The following SLC9A3 variants were observed in gnomAD, a reference collection of about 807,000 sequenced individuals.
The protein encoded by SLC9A3 is sodium/hydrogen exchanger 3.
A neutral mutation model predicts 86.8 loss-of-function variants in SLC9A3; 37 were observed. The observed-to-expected ratio is 0.43, with a 90% CI of 0.33 to 0.56. SLC9A3 has a LOEUF of 0.56. SLC9A3 is among the 20% of genes least tolerant of loss of function. The pLI, the probability that SLC9A3 is intolerant of heterozygous loss-of-function variation, is 0.06. For synonymous variants in SLC9A3, 581 were observed against 528.3 expected, an observed-to-expected ratio of 1.10 and a Z score of -1.37; for missense variants, 1,011 against 1,171.9, an observed-to-expected ratio of 0.86 and a Z score of 2.00.
chr5:480,026 G>A (rs559219255), intron 9 of SLC9A3, 61 bp from the exon 10 acceptor site: 14 of 1,568,434 alleles, frequency 8.9e-6, no homozygotes, highest in Admixed American at 7.0e-5. Context: ...CCCGCCGGAC[G>A]CGTGGCCCGG....
chr5:479,603 G>C (rs1274177278), intron 10 of SLC9A3: 2 of 523,364 alleles, frequency 3.8e-6, no homozygotes, highest in Non-Finnish European at 6.9e-6. Flanking sequence ...CCTGACCTCA[G>C]CGCTCACCCC....
chr5:521,352 G>GCCATCCTCTGT (rs1733879074), intron 1 of SLC9A3, among the ~76,000 whole-genome samples: 1 of 152,220 alleles, frequency 6.6e-6, no homozygotes, highest in African/African-American at 2.4e-5. Flanking sequence ...TGGCCCTCTG[G>GCCATCCTCTGT]CCATCCTCTG....
intron 1 of SLC9A3, among the ~76,000 whole-genome samples, chr5:521,143 C>T (rs1188221870): frequency 6.6e-6 from 1 of 152,262 alleles, no homozygotes; most frequent in Non-Finnish European, 1.5e-5. Flanking sequence ...TCGGCCCTTG[C>T]CTCCCCTTCT....
intron 1 of SLC9A3, among the ~76,000 whole-genome samples, chr5:501,341 C>T (rs937176440): frequency 9.2e-5 from 14 of 152,186 alleles, no homozygotes; most frequent in African/African-American, 3.4e-4. Context: ...GCCGAGTCCA[C>T]AAAAATGCAA....
intron 1 of SLC9A3, among the ~76,000 whole-genome samples, chr5:506,210 G>A (rs1005169958): frequency 4.6e-5 from 7 of 152,154 alleles, no homozygotes; most frequent in Admixed American, 1.3e-4. Context: ...AGCTTTGCCC[G>A]GACGCAGCAG....
At chr5:493,886 G>A (rs13174780) in intron 1 of SLC9A3, among the ~76,000 whole-genome samples, 93,763 of 152,168 alleles carry the variant, frequency 0.62, 31,625 homozygotes, top group Non-Finnish European at 0.77. Context: ...GCAGGGCAGC[G>A]GGGGTTGGCC....
chr5:495,082 C>T (rs562048597), intron 1 of SLC9A3, among the ~76,000 whole-genome samples: 4 of 144,404 alleles, frequency 2.8e-5, no homozygotes, highest in East Asian at 3.9e-4. Flanking sequence ...ACAGAGACCG[C>T]GTGTCCCCAG....
chr5:506,162 G>A (rs1740569136), intron 1 of SLC9A3, among the ~76,000 whole-genome samples: 1 of 152,152 alleles, frequency 6.6e-6, no homozygotes, highest in East Asian at 1.9e-4. Context: ...CTATCAAGGA[G>A]CTCTGGGTCC....
chr5:509,824 A>C (rs949526833), intron 1 of SLC9A3, among the ~76,000 whole-genome samples: 1 of 152,168 alleles, frequency 6.6e-6, no homozygotes, highest in African/African-American at 2.4e-5. Flanking sequence ...ATGCCAGAAG[A>C]AGCTGGCACA....
intron 10 of SLC9A3, chr5:478,461 GGGCGC>G (rs1738914465): frequency 2.6e-5 from 1 of 38,736 alleles, no homozygotes. Flanking sequence ...TGGGGTGGGG[GGGCGC>G]AGGGAGAGAA....
rs1386362228 is a variant in SLC9A3, at chr5:472,207, T to A, written c.*1172A>T. On this transcript the variant is annotated 3_prime_UTR_variant, in exon 17 of 17. Coordinates refer to ENST00000264938, the MANE Select transcript of SLC9A3 (RefSeq NM_004174.4). Reference sequence around the variant, plus strand: ...CAGAGCTTGGGCTGGATGGTCTCCCTGCAGAGGACCAGGAGCTCTGTCCAA... The same window carrying A: ...CAGAGCTTGGGCTGGATGGTCTCCCAGCAGAGGACCAGGAGCTCTGTCCAA... The A allele has an allele frequency of 5.5e-6, 2 of 361,970 alleles. No individual in the cohort carries two copies. The highest frequency in any genetic ancestry group is 1.1e-5 in the Non-Finnish European group (2 of 184,718). 22.4% of individuals were successfully genotyped at this position (361,970 alleles called of 1,614,324 possible).
At chr5:479,147 G>A (rs1158269591) in intron 10 of SLC9A3, 1 of 152,502 alleles carries the variant, frequency 6.6e-6, no homozygotes, top group African/African-American at 2.4e-5. Context: ...CTGTCCTTAG[G>A]GAGGAGCTGC....
At chr5:517,365 TCATC>T (rs1159666854) in intron 1 of SLC9A3, among the ~76,000 whole-genome samples, 1 of 150,248 alleles carries the variant, frequency 6.7e-6, no homozygotes, top group African/African-American at 2.5e-5. Context: ...ATCAATCCAC[TCATC>T]CATCCATCCA....
intron 1 of SLC9A3, among the ~76,000 whole-genome samples, chr5:493,070 G>T (rs545524498): frequency 5.3e-5 from 8 of 151,910 alleles, no homozygotes. Context: ...GGGGGTGCAG[G>T]CACCAACCTA....
Position 473,185 on chromosome 5 carries a change from C to G in SLC9A3, c.*194G>C, listed in dbSNP as rs1388202650. Reference sequence around the variant, plus strand: ...GCAGGCCCCGCCCCCGGCTCGCCCTCGGGCGGCTCTGCGGGCGCAGGCGCG... The same window carrying G: ...GCAGGCCCCGCCCCCGGCTCGCCCTGGGGCGGCTCTGCGGGCGCAGGCGCG... On this transcript the variant is annotated 3_prime_UTR_variant, in exon 17 of 17. Coordinates refer to ENST00000264938, the MANE Select transcript of SLC9A3 (RefSeq NM_004174.4). 1.5e-5 allele frequency: 8 copies of G among 540,656 alleles called. No individual in the cohort carries two copies. The highest frequency in any genetic ancestry group is 9.3e-5 in the Admixed American group (2 of 21,406). The allele number at this position is 540,656 out of a possible 1,614,324, so 33.5% of individuals were successfully genotyped here. A position where few individuals can be genotyped will look rare whatever the true frequency, so the allele number is the denominator to read the frequency against.
chr5:479,911 GGCCGACC>G lies in SLC9A3; in HGVS notation c.1565_1571del (p.Arg522ProfsTer9). Reference sequence around the variant, plus strand: ...TCAGGATCCGGTCTCGAGACTTCTGGGCCGACCGTCTCATGAGGACCCTGCTGAGGAA... The same window carrying G: ...TCAGGATCCGGTCTCGAGACTTCTGGGTCTCATGAGGACCCTGCTGAGGAA... On this transcript the variant is annotated frameshift_variant, in exon 10 of 17. Transcript: ENST00000264938. LOFTEE classifies it high-confidence loss of function. The G allele has an allele frequency of 8.7e-6, 14 of 1,613,936 alleles. No homozygotes were observed. The highest frequency in any genetic ancestry group is 1.2e-5 in the Non-Finnish European group (14 of 1,179,966).
At position 471,162 on chromosome 5, in the gene SLC9A3, G is replaced by T. The variant is rs114008732; in HGVS notation, c.*2217C>A. 693 of 156,968 alleles carry T rather than the reference G, an allele frequency of 4.4e-3. 4 individuals carry two copies. The highest frequency in any genetic ancestry group is 0.016 in the African/African-American group (659 of 41,622). The allele number at this position is 156,968 out of a possible 1,614,324, so 9.7% of individuals were successfully genotyped here. Reference sequence around the variant, plus strand: ...CACCCCCGGTGCTGAAGACCGACCAGTCAAGGAGGTGTTGGTGGGAGTGTT... The same window carrying T: ...CACCCCCGGTGCTGAAGACCGACCATTCAAGGAGGTGTTGGTGGGAGTGTT... On this transcript the variant is annotated 3_prime_UTR_variant, in exon 17 of 17. Coordinates refer to ENST00000264938, the MANE Select transcript of SLC9A3 (RefSeq NM_004174.4).
Position 472,843 on chromosome 5 carries a change from G to C in SLC9A3, c.*536C>G, listed in dbSNP as rs1482483635. ...CCCGGGCGCGGGGCTCGGTTGGGGG[G>C]GCCCGGAACCTTGGGCTGGTTTCAC... On this transcript the variant is annotated 3_prime_UTR_variant, in exon 17 of 17. Transcript: ENST00000264938. The C allele has an allele frequency of 5.7e-6, 3 of 522,096 alleles. No individual in the cohort carries two copies. Among genetic ancestry groups the C allele is most frequent in the Non-Finnish European group, 1.1e-5 (3 of 276,804 alleles). The allele number at this position is 522,096 out of a possible 1,614,324, so 32.3% of individuals were successfully genotyped here. A position where few individuals can be genotyped will look rare whatever the true frequency, so the allele number is the denominator to read the frequency against.
rs1297503592 is a variant in SLC9A3, at chr5:513,620, T to C, written c.211+10492A>G. ...GGGGTCCCTGAGACACAGTGGATGCTGAGACGGCCACGTCTGACTTCACAG... is the reference window on the plus strand; with the variant it reads ...GGGGTCCCTGAGACACAGTGGATGCCGAGACGGCCACGTCTGACTTCACAG... On this transcript the variant is annotated intron_variant, in intron 1 of 16. Coordinates refer to ENST00000264938, the MANE Select transcript of SLC9A3 (RefSeq NM_004174.4). Among the ~76,000 whole-genome samples, 6 of 152,170 alleles carry C rather than the reference T, an allele frequency of 3.9e-5. No homozygotes were observed. The East Asian group carries it at 9.6e-4, about 24-fold the overall frequency.
Sources: allele counts gnomAD v4.1 joint callset (sites outside exome capture counted in the v4.1 genomes callset), GRCh38; gene constraint gnomAD v4.1.1; transcripts MANE v1.5; gene names NCBI Gene and HGNC (gene_info 2026-07-23, HGNC 2026-07-21).